The following ACOT7 variants were observed in gnomAD, a reference collection of about 807,000 sequenced individuals.
ACOT7 encodes cytosolic acyl coenzyme A thioester hydrolase.
In ACOT7, 12 loss-of-function variants were observed where a neutral mutation model predicts 40.2. The observed-to-expected ratio is 0.30, with a 90% confidence interval of 0.19 to 0.48. The LOEUF (loss-of-function observed/expected upper bound fraction) is 0.48, where lower values mean the gene tolerates loss of function less well. Ranked by LOEUF, ACOT7 falls within the 20% of genes least tolerant of loss-of-function variation. The pLI is 0.99. For missense variants in ACOT7, 395 were observed against 530.8 expected (o/e 0.74, Z 2.51); for synonymous variants, 228 against 219.5 (o/e 1.04, Z -0.34).
intron 6 of ACOT7, among the ~76,000 whole-genome samples, chr1:6,298,748 T>C (rs754937118): frequency 2.3e-4 from 35 of 152,030 alleles, no homozygotes; most frequent in Non-Finnish European, 4.9e-4. Context: ...CTGGTCTCTC[T>C]CCCATGGCAA....
Position 6,358,788 on chromosome 1 carries a change from C to T in ACOT7, c.144-8922G>A, listed in dbSNP as rs1390230992. The T allele has an allele frequency of 1.3e-6, 2 of 1,598,994 alleles. No individual in the cohort carries two copies. The highest frequency in any genetic ancestry group is 2.7e-5 in the African/African-American group (2 of 74,592). On this transcript the variant is annotated intron_variant, in intron 1 of 8. Coordinates refer to ENST00000361521, the MANE Select transcript of ACOT7 (RefSeq NM_007274.4). The surrounding 1 kb of genome is among the most constrained non-coding windows in gnomAD (Gnocchi z 4.1). Reference sequence around the variant, plus strand: ...TCCCTAAACAATCCACCCACAGTGGCCCCTGCACGGCCTAGACATGCCCAT... The same window carrying T: ...TCCCTAAACAATCCACCCACAGTGGTCCCTGCACGGCCTAGACATGCCCAT...
rs141268884 is a variant in ACOT7, at chr1:6,354,979, C to A, written c.144-5113G>T. 1.2e-3 allele frequency among the ~76,000 whole-genome samples: 183 copies of A among 152,110 alleles called. 1 individual carries two copies. Among genetic ancestry groups the A allele is most frequent in the African/African-American group, 4.0e-3 (166 of 41,480 alleles). On this transcript the variant is annotated intron_variant, in intron 1 of 8. Transcript: ENST00000361521. Reference sequence around the variant, plus strand: ...CCATACCTTCCAGGGCCTTTCCCATCTACAGAATAAAGACTCAATCTCCTA... The same window carrying A: ...CCATACCTTCCAGGGCCTTTCCCATATACAGAATAAAGACTCAATCTCCTA...
chr1:6,328,628 G>A (rs1372605784), intron 4 of ACOT7, among the ~76,000 whole-genome samples: 1 of 152,190 alleles, frequency 6.6e-6, no homozygotes, highest in East Asian at 1.9e-4. Context: ...GTTGCAGTGA[G>A]CCGAGATTGC....
chr1:6,363,294 G>A (rs1641928680), intron 1 of ACOT7, among the ~76,000 whole-genome samples: 1 of 152,166 alleles, frequency 6.6e-6, no homozygotes, highest in Admixed American at 6.5e-5. Flanking sequence ...GGCAGACCGT[G>A]GTTCCAGCAG....
chr1:6,322,843 C>T (rs936544538), intron 5 of ACOT7, among the ~76,000 whole-genome samples: 10 of 152,142 alleles, frequency 6.6e-5, no homozygotes, highest in African/African-American at 2.2e-4. Context: ...TCGGAAATGA[C>T]ACTGGGGCCG....
intron 1 of ACOT7, chr1:6,385,905 A>G (rs955718361): frequency 1.7e-6 from 2 of 1,199,780 alleles, no homozygotes; most frequent in African/African-American, 3.1e-5. Context: ...GATGCAAGGA[A>G]TCCATGACTC....
chr1:6,348,594 C>G (rs987801248), intron 2 of ACOT7, among the ~76,000 whole-genome samples: 1 of 152,192 alleles, frequency 6.6e-6, no homozygotes, highest in Non-Finnish European at 1.5e-5. Flanking sequence ...CCACTCCTAC[C>G]AAGCGAGGAC....
At chr1:6,363,413 GCCTGA>G in intron 1 of ACOT7, among the ~76,000 whole-genome samples, 2 of 152,064 alleles carry the variant, frequency 1.3e-5, no homozygotes, top group South Asian at 4.1e-4. Context: ...CTTGTGGAGG[GCCTGA>G]CATCAGTCAG....
At chr1:6,293,475 T>C (rs966224804) in intron 7 of ACOT7, among the ~76,000 whole-genome samples, 30 of 152,202 alleles carry the variant, frequency 2.0e-4, no homozygotes, top group African/African-American at 6.8e-4. Flanking sequence ...GTGGTCTATG[T>C]TTGTGGCAAA....
intron 4 of ACOT7, among the ~76,000 whole-genome samples, chr1:6,329,879 C>A (rs1640908292): frequency 6.6e-6 from 1 of 152,212 alleles, no homozygotes; most frequent in Admixed American, 6.5e-5. Flanking sequence ...CCCCTCTGGT[C>A]ATCCTGGGGC....
At chr1:6,363,273 G>A (rs893173251) in intron 1 of ACOT7, among the ~76,000 whole-genome samples, 11 of 152,186 alleles carry the variant, frequency 7.2e-5, no homozygotes, top group African/African-American at 1.7e-4. Flanking sequence ...CTGGGAAGAC[G>A]CCCGTTGCCA....
intron 7 of ACOT7, among the ~76,000 whole-genome samples, chr1:6,286,814 G>A (rs887028884): frequency 8.5e-5 from 13 of 152,206 alleles, no homozygotes; most frequent in African/African-American, 2.9e-4. Context: ...CTATACTGAT[G>A]TCAACTGCCC....
In ACOT7 at chr1:6,279,071, GGAGA is replaced by G. The variant is rs1429234830; in HGVS notation, c.1014+2027_1014+2030del. Among the ~76,000 whole-genome samples the G allele has an allele frequency of 1.6e-3, 244 of 152,348 alleles. 1 individual carries two copies. The highest frequency in any genetic ancestry group is 3.5e-3 in the Admixed American group (54 of 15,308). On this transcript the variant is annotated intron_variant, in intron 8 of 8. Transcript: ENST00000361521. ...CATGGGAGGGGCGTCGGGTCCATGG[GGAGA>G]GACCAGAGCGGGCCCAGGTGGGAGT...
chr1:6,353,766 G>GT (rs2148459414), intron 1 of ACOT7, among the ~76,000 whole-genome samples: 1 of 152,360 alleles, frequency 6.6e-6, no homozygotes, highest in East Asian at 1.9e-4. Flanking sequence ...CTGGAGGACT[G>GT]TTTACTGCTG....
intron 6 of ACOT7, among the ~76,000 whole-genome samples, chr1:6,297,681 C>T (rs534540743): frequency 6.6e-6 from 1 of 152,156 alleles, no homozygotes; most frequent in African/African-American, 2.4e-5. Flanking sequence ...GGGTATTCGA[C>T]GATACTAAGG....
At chr1:6,266,080 T>TC (rs1638844657) in intron 8 of ACOT7, among the ~76,000 whole-genome samples, 1 of 152,154 alleles carries the variant, frequency 6.6e-6, no homozygotes, top group African/African-American at 2.4e-5. Flanking sequence ...GCGGTCCTGG[T>TC]CCCCCTTTGA....
At position 6,302,803 on chromosome 1, in the gene ACOT7, C is replaced by T. The variant is rs7540774; in HGVS notation, c.713-7823G>A. On this transcript the variant is annotated intron_variant, in intron 6 of 8. Coordinates refer to ENST00000361521, the MANE Select transcript of ACOT7 (RefSeq NM_007274.4). ...GAGAGAGCAATGAGGTCAGATGGTC[C>T]CTGCAGAAGTGAGATCATTAGAAAG... Among the ~76,000 whole-genome samples, 573 of 152,084 alleles carry T rather than the reference C, an allele frequency of 3.8e-3. 5 individuals carry two copies. The highest frequency in any genetic ancestry group is 0.013 in the African/African-American group (550 of 41,466).
intron 6 of ACOT7, among the ~76,000 whole-genome samples, chr1:6,316,254 T>G (rs532166036): frequency 6.6e-5 from 10 of 152,076 alleles, no homozygotes; most frequent in Admixed American, 1.3e-4. Context: ...GAGCCCACCC[T>G]GGAATTCGAG....
At chr1:6,305,394 T>G (rs1049704518) in intron 6 of ACOT7, among the ~76,000 whole-genome samples, 2 of 139,586 alleles carry the variant, frequency 1.4e-5, no homozygotes, top group African/African-American at 5.4e-5. Context: ...CCCACCTCCC[T>G]CCCAGACGGG....
Sources: allele counts gnomAD v4.1 joint callset (sites outside exome capture counted in the v4.1 genomes callset), GRCh38; gene constraint gnomAD v4.1.1; non-coding constraint Gnocchi (gnomAD v3.1); transcripts MANE v1.5; gene names NCBI Gene and HGNC (gene_info 2026-07-23, HGNC 2026-07-21).